The following CD300LG variants were observed in gnomAD, a reference collection of about 807,000 sequenced individuals.
The protein encoded by CD300LG is CMRF35-like molecule 9.
Under a neutral mutation model 31.5 loss-of-function variants are expected in CD300LG, and 29 were observed. That is an observed-to-expected ratio of 0.92 (90% CI 0.68 to 1.25). The LOEUF is 1.25. CD300LG is among the 50% of genes most tolerant of loss of function. The pLI, the probability that CD300LG is intolerant of heterozygous loss-of-function variation, is 0.00. For missense variants in CD300LG, 396 were observed against 417.6 expected, an observed-to-expected ratio of 0.95 and a Z score of 0.45; for synonymous variants, 175 against 177.2, an observed-to-expected ratio of 0.99 and a Z score of 0.10.
At chr17:43,851,225 A>G (rs1407739521) in intron 2 of CD300LG, among the ~76,000 whole-genome samples, 1 of 151,990 alleles carries the variant, frequency 6.6e-6, no homozygotes, top group Non-Finnish European at 1.5e-5. Flanking sequence ...TTGATCATCT[A>G]CTTAGAAAAA....
At chr17:43,861,052 C>G in intron 6 of CD300LG, 1 of 979,798 alleles carries the variant, frequency 1.0e-6, no homozygotes, top group Non-Finnish European at 1.2e-6. Context: ...CCACGTTTCC[C>G]TCATCTTGCT....
chr17:43,848,749 G>T lies in CD300LG; in HGVS notation c.235G>T (p.Val79Leu), dbSNP rs367991783. Residue 79 changes from valine (V) to leucine (L), a missense_variant, in exon 2 of 7, where the codon GTG (valine) becomes TTG (leucine). By Grantham distance (32) the Val-to-Leu change is conservative. Coordinates refer to ENST00000317310, the MANE Select transcript of CD300LG (RefSeq NM_145273.4). ...EEGQETMKGR[V>L]SIRDSRQELS... is the part of the protein sequence containing the mutation. ...AGGCCAGGAGACAATGAAGGGCAGG[G>T]TGTCCATCCGTGACAGCCGCCAGGA... 1 of 1,614,140 alleles carries T rather than the reference G, an allele frequency of 6.2e-7. No homozygotes were observed. Among genetic ancestry groups the T allele is most frequent in the African/African-American group, 1.3e-5 (1 of 75,032 alleles).
rs376535937 is a variant in CD300LG, at chr17:43,857,659, T to G, written c.885+503T>G. 4.8e-4 allele frequency: 565 copies of G among 1,184,856 alleles called. 10 individuals are homozygous for G. In the South Asian group the frequency reaches 7.1e-3, roughly 15 times the overall value. 73.4% of individuals were successfully genotyped at this position (1,184,856 alleles called of 1,614,324 possible). ...GGGACTCTGGCAGTGCTACAAACTC[T>G]AGTGTGCTTTTACAAAAGATGAGAC... is the stretch of plus-strand genomic sequence containing the variant. On this transcript the variant is annotated intron_variant, in intron 6 of 6. Coordinates refer to ENST00000317310, the MANE Select transcript of CD300LG (RefSeq NM_145273.4).
chr17:43,862,986 G>A lies in CD300LG; in HGVS notation c.*1075G>A, dbSNP rs2046677578. 6.6e-6 allele frequency: 1 copy of A among 151,700 alleles called. No individual in the cohort carries two copies. The highest frequency in any genetic ancestry group is 6.6e-5 in the Admixed American group (1 of 15,252). 9.4% of individuals were successfully genotyped at this position (151,700 alleles called of 1,614,324 possible). The stretch of plus-strand genomic sequence containing the variant: ...TCCAGCCCCCTGGAGAAGGGGTCGG[G>A]GGTGGGGGTAAAGTAGCACAACTAC... On this transcript the variant is annotated 3_prime_UTR_variant, in exon 7 of 7. Transcript: ENST00000317310.
chr17:43,854,147 C>T, intron 4 of CD300LG, 103 bp downstream of exon 4: 1 of 856,462 alleles, frequency 1.2e-6, no homozygotes, highest in South Asian at 1.7e-5. Flanking sequence ...GCGGACGCAT[C>T]CTCTTGTCAT....
rs541987376 is a variant in CD300LG, at chr17:43,855,322, G to C, written c.832+3G>C. 8 of 1,547,370 alleles carry C rather than the reference G, an allele frequency of 5.2e-6. No individual in the cohort carries two copies. The African/African-American group carries it at 6.8e-5, about 13-fold the overall frequency. On this transcript the variant is annotated splice_donor_region_variant and intron_variant, in intron 5 of 6. Coordinates refer to ENST00000317310, the MANE Select transcript of CD300LG (RefSeq NM_145273.4). ...CCTGCTCCTGTGGAGAAAGGAAGGT[G>C]AGCAAAGGTGGGCGGCAGGAAGGCG...
rs2046400884 is a variant in CD300LG at position 43,852,898 on chromosome 17, T to A, written c.380-14T>A. 1.2e-6 allele frequency: 2 copies of A among 1,601,490 alleles called. No individual in the cohort carries two copies. The highest frequency in any genetic ancestry group is 4.5e-5 in the East Asian group (2 of 44,176). On this transcript the variant is annotated splice_polypyrimidine_tract_variant and intron_variant, in intron 2 of 6. Coordinates refer to ENST00000317310, the MANE Select transcript of CD300LG (RefSeq NM_145273.4). Reference sequence around the variant, plus strand: ...CGGTGCCACCCCTGAGAGCAGCCTTTCCCTTTCCTCTAGGACCCTGCTGTC... The same window carrying A: ...CGGTGCCACCCCTGAGAGCAGCCTTACCCTTTCCTCTAGGACCCTGCTGTC...
Position 43,861,997 on chromosome 17 carries a change from C to G in CD300LG, c.*86C>G. On this transcript the variant is annotated 3_prime_UTR_variant, in exon 7 of 7. Coordinates refer to ENST00000317310, the MANE Select transcript of CD300LG (RefSeq NM_145273.4). ...GATTCCCGAAAGCTTTCCACCTCAG[C>G]CTCAGAGTCCAGCTGCCCGGACTCC... The G allele has an allele frequency of 1.1e-6, 1 of 927,168 alleles. No homozygotes were observed. Among genetic ancestry groups the G allele is most frequent in the Non-Finnish European group, 1.6e-6 (1 of 639,280 alleles). 57.4% of individuals were successfully genotyped at this position (927,168 alleles called of 1,614,324 possible).
chr17:43,857,407 C>A, intron 6 of CD300LG: 1 of 1,536,680 alleles, frequency 6.5e-7, no homozygotes, highest in Admixed American at 2.0e-5. Flanking sequence ...GCAGGGTGGG[C>A]TCCAGGAGCC....
At chr17:43,856,695 C>T (rs1310374363) in intron 5 of CD300LG, among the ~76,000 whole-genome samples, 1 of 152,202 alleles carries the variant, frequency 6.6e-6, no homozygotes, top group African/African-American at 2.4e-5. Context: ...GCATCTCAAA[C>T]TTTGATTGCC....
chr17:43,859,790 C>T (rs2046615898), intron 6 of CD300LG, among the ~76,000 whole-genome samples: 1 of 152,250 alleles, frequency 6.6e-6, no homozygotes, highest in South Asian at 2.1e-4. Flanking sequence ...CCAGTGCCCT[C>T]ATCCACCACC....
chr17:43,850,840 G>C (rs1325360533), intron 2 of CD300LG, among the ~76,000 whole-genome samples: 1 of 152,072 alleles, frequency 6.6e-6, no homozygotes, highest in Non-Finnish European at 1.5e-5. Context: ...AAATATGCAA[G>C]ATTAAGAAGT....
At chr17:43,852,640 A>G (rs150431241) in intron 2 of CD300LG, among the ~76,000 whole-genome samples, 1 of 152,364 alleles carries the variant, frequency 6.6e-6, no homozygotes, top group East Asian at 1.9e-4. Context: ...CTTTTGAGAC[A>G]AAACTGGAGT....
chr17:43,861,384 C>A, intron 6 of CD300LG: 1 of 650,490 alleles, frequency 1.5e-6, no homozygotes, highest in Non-Finnish European at 1.9e-6. Flanking sequence ...ACCCCCGCAT[C>A]TACCCACCTT....
chr17:43,855,206 G>A lies in CD300LG; in HGVS notation c.720-1G>A, dbSNP rs1297127979. The A allele has an allele frequency of 3.1e-6, 5 of 1,600,454 alleles. No individual in the cohort carries two copies. Among genetic ancestry groups the A allele is most frequent in the African/African-American group, 1.3e-5 (1 of 74,674 alleles). On this transcript the variant is annotated splice_acceptor_variant, in intron 4 of 6. Coordinates refer to ENST00000317310, the MANE Select transcript of CD300LG (RefSeq NM_145273.4). LOFTEE classifies it high-confidence loss of function. ...CTAGGCTCCTTGCGTCTCGTCTCCA[G>A]GGTGTCCATCCCGATGGTCCGCATA...
intron 2 of CD300LG, among the ~76,000 whole-genome samples, chr17:43,850,089 G>T (rs188095993): frequency 5.3e-5 from 8 of 152,034 alleles, no homozygotes; most frequent in Non-Finnish European, 1.0e-4. Flanking sequence ...CTATATTATC[G>T]TCCTATATCG....
intron 4 of CD300LG, 123 bp from the exon 5 acceptor site, chr17:43,855,084 G>C: frequency 2.5e-6 from 1 of 407,044 alleles, no homozygotes; most frequent in South Asian, 1.0e-4. Flanking sequence ...ACAAGTCTCT[G>C]CTGCATTGAA....
At chr17:43,850,447 A>G (rs771178631) in intron 2 of CD300LG, among the ~76,000 whole-genome samples, 1 of 145,324 alleles carries the variant, frequency 6.9e-6, no homozygotes, top group South Asian at 2.1e-4. Context: ...TTATTTATTT[A>G]TTTTTATTCA....
intron 6 of CD300LG, chr17:43,857,503 G>C (rs1307674080): frequency 6.6e-7 from 1 of 1,515,930 alleles, no homozygotes; most frequent in South Asian, 1.2e-5. Context: ...TGAAGCCTTT[G>C]AGATCTCTAG....
Sources: allele counts gnomAD v4.1 joint callset (sites outside exome capture counted in the v4.1 genomes callset), GRCh38; gene constraint gnomAD v4.1.1; transcripts MANE v1.5; gene names NCBI Gene and HGNC (gene_info 2026-07-23, HGNC 2026-07-21).